Variants in PRR11 observed in about 807,000 individuals in gnomAD.
PRR11 encodes the protein proline rich 11.
Under a neutral mutation model 45.6 loss-of-function variants are expected in PRR11, and 30 were observed. That is an observed-to-expected ratio of 0.66 (90% CI 0.49 to 0.89). The LOEUF (loss-of-function observed/expected upper bound fraction) is 0.89, where lower values mean the gene tolerates loss of function less well. Among genes scored for constraint, PRR11 ranks in the 40% least tolerant of loss-of-function variants. The pLI is 0.00. For synonymous variants in PRR11, 128 were observed against 153.5 expected (o/e 0.83, Z 1.23); for missense variants, 373 against 424.8 (o/e 0.88, Z 1.07).
At chr17:59,169,554 T>A (rs1032690968) in intron 1 of PRR11, among the ~76,000 whole-genome samples, 194 bp from the exon 2 acceptor site, 1 of 152,136 alleles carries the variant, frequency 6.6e-6, no homozygotes, top group Non-Finnish European at 1.5e-5. Context: ...CCAGAGATAG[T>A]TTAAATCTGT....
chr17:59,181,065 C>G lies in PRR11; in HGVS notation c.129-3989C>G, dbSNP rs1055405485. Among the ~76,000 whole-genome samples the G allele has an allele frequency of 1.1e-4, 17 of 151,476 alleles. 2 individuals carry two copies. The highest frequency in any genetic ancestry group is 4.2e-4 in the African/African-American group (17 of 40,942). On this transcript the variant is annotated intron_variant, in intron 2 of 9. Coordinates refer to ENST00000262293, the MANE Select transcript of PRR11 (RefSeq NM_018304.4). ...AGTGTAGTGGCGCGATCTCAGCTCACTGCAAGCAACACCTCCGGGGTTCAC... is the reference window on the plus strand; with the variant it reads ...AGTGTAGTGGCGCGATCTCAGCTCAGTGCAAGCAACACCTCCGGGGTTCAC...
At chr17:59,199,375 C>T (rs1425845475) in intron 9 of PRR11, among the ~76,000 whole-genome samples, 1 of 152,134 alleles carries the variant, frequency 6.6e-6, no homozygotes, top group Admixed American at 6.6e-5. Context: ...GGCTGTAACA[C>T]AGAGAGGGAG....
intron 2 of PRR11, among the ~76,000 whole-genome samples, chr17:59,172,601 G>A (rs1349781270): frequency 5.3e-5 from 8 of 152,338 alleles, no homozygotes; most frequent in East Asian, 3.9e-4. Flanking sequence ...GTGGTTTGGC[G>A]GCCCCCACAC....
chr17:59,199,253 C>T (rs1599709391), intron 9 of PRR11, among the ~76,000 whole-genome samples: 1 of 152,092 alleles, frequency 6.6e-6, no homozygotes, highest in East Asian at 1.9e-4. Flanking sequence ...TGGGGTGGGT[C>T]CACCATGAGT....
intron 7 of PRR11, among the ~76,000 whole-genome samples, chr17:59,197,313 G>A (rs1337150730): frequency 1.3e-5 from 2 of 149,220 alleles, no homozygotes; most frequent in Non-Finnish European, 3.0e-5. Context: ...GTGCAGTGGT[G>A]CAATCTTTGC....
intron 1 of PRR11, among the ~76,000 whole-genome samples, chr17:59,162,359 T>G (rs975946364): frequency 6.6e-6 from 1 of 151,980 alleles, no homozygotes; most frequent in Non-Finnish European, 1.5e-5. Context: ...ACTCTAGAAA[T>G]TTGTATGCAT....
intron 4 of PRR11, among the ~76,000 whole-genome samples, chr17:59,192,083 A>G (rs1219994923): frequency 6.6e-6 from 1 of 152,174 alleles, no homozygotes; most frequent in Non-Finnish European, 1.5e-5. Context: ...AAGGATTTTG[A>G]GATGAGGAGA....
intron 2 of PRR11, chr17:59,181,408 C>G (rs1341732022): frequency 3.5e-6 from 3 of 851,134 alleles, no homozygotes; most frequent in Middle Eastern, 4.1e-4. Flanking sequence ...GAGAGCTCAC[C>G]CACTGGGGGC....
intron 1 of PRR11, among the ~76,000 whole-genome samples, chr17:59,160,094 G>T (rs767581382): frequency 1.3e-5 from 2 of 151,392 alleles, no homozygotes; most frequent in Non-Finnish European, 2.9e-5. Context: ...AAAAAAAAAA[G>T]AATCAAAGAA....
At chr17:59,177,841 CTG>C (rs1490121891) in intron 2 of PRR11, among the ~76,000 whole-genome samples, 2 of 152,170 alleles carry the variant, frequency 1.3e-5, no homozygotes, top group East Asian at 3.8e-4. Flanking sequence ...CATAGCAAGA[CTG>C]TTTGTATAAA....
At chr17:59,162,213 GACACACACACACACAC>G (rs58983044) in intron 1 of PRR11, among the ~76,000 whole-genome samples, 4 of 139,482 alleles carry the variant, frequency 2.9e-5, no homozygotes, top group Non-Finnish European at 4.7e-5. Context: ...ACCCAAGTCA[GACACACACACACACAC>G]ACACACACAC....
intron 1 of PRR11, among the ~76,000 whole-genome samples, chr17:59,166,223 A>G (rs181168243): frequency 6.6e-6 from 1 of 152,346 alleles, no homozygotes; most frequent in East Asian, 1.9e-4. Context: ...AGTGAACAAA[A>G]GTGGAATGAA....
intron 2 of PRR11, among the ~76,000 whole-genome samples, chr17:59,182,633 T>C (rs528374289): frequency 4.0e-5 from 6 of 151,648 alleles, no homozygotes; most frequent in Non-Finnish European, 8.8e-5. Flanking sequence ...CCTCAGGTGA[T>C]CCATCCGCCT....
At chr17:59,186,250 C>T (rs1279938722) in intron 4 of PRR11, among the ~76,000 whole-genome samples, 2 of 151,832 alleles carry the variant, frequency 1.3e-5, no homozygotes, top group East Asian at 1.9e-4. Context: ...CAGGCTTGCA[C>T]TATTGCACCC....
Position 59,196,033 on chromosome 17 carries a change from A to G in PRR11, c.857+590A>G, listed in dbSNP as rs552256737. The stretch of plus-strand genomic sequence containing the variant: ...AGCCCAGGAGATCAAGGCTGCAGTA[A>G]GAAGTGATTGTGCCACTGTACTCCA... On this transcript the variant is annotated intron_variant, in intron 7 of 9. Transcript: ENST00000262293. 1.3e-4 allele frequency among the ~76,000 whole-genome samples: 20 copies of G among 151,344 alleles called. No individual in the cohort carries two copies. In the South Asian group the frequency reaches 1.7e-3, roughly 13 times the overall value.
rs919996269 is a variant in PRR11 at position 59,202,105 on chromosome 17, A to T, written c.*474A>T. The T allele has an allele frequency of 1.3e-5, 2 of 153,768 alleles. No homozygotes were observed. The highest frequency in any genetic ancestry group is 2.9e-5 in the Non-Finnish European group (2 of 68,952). The allele number at this position is 153,768 out of a possible 1,614,324, so 9.5% of individuals were successfully genotyped here. Reference sequence around the variant, plus strand: ...ACACATACTGTGATATAAAGTGTATATACAGATATTTGGATATTTTCTAGT... The same window carrying T: ...ACACATACTGTGATATAAAGTGTATTTACAGATATTTGGATATTTTCTAGT... On this transcript the variant is annotated 3_prime_UTR_variant, in exon 10 of 10. Transcript: ENST00000262293.
chr17:59,176,072 G>A (rs973551016), intron 2 of PRR11, among the ~76,000 whole-genome samples: 11 of 152,206 alleles, frequency 7.2e-5, no homozygotes, highest in Non-Finnish European at 2.9e-5. Flanking sequence ...GTTGCAAGAT[G>A]AGGGAAGGCA....
rs1161691707 is a variant in PRR11 at position 59,203,718 on chromosome 17, T to TGTGGC, written c.*2091_*2092insCGTGG. The stretch of plus-strand genomic sequence containing the variant: ...TACTAAAAATACAAAATTAGCCAGG[T>TGTGGC]GTGGTGTCACGCACCTGTAGTCCCA... On this transcript the variant is annotated 3_prime_UTR_variant, in exon 10 of 10. Coordinates refer to ENST00000262293, the MANE Select transcript of PRR11 (RefSeq NM_018304.4). 1 of 151,104 alleles carries TGTGGC rather than the reference T, an allele frequency of 6.6e-6. No individual in the cohort carries two copies. 9.4% of individuals were successfully genotyped at this position (151,104 alleles called of 1,614,324 possible).
chr17:59,159,459 C>G (rs1266364495), intron 1 of PRR11, among the ~76,000 whole-genome samples: 1 of 152,178 alleles, frequency 6.6e-6, no homozygotes, highest in Non-Finnish European at 1.5e-5. Flanking sequence ...ATAATCAGGT[C>G]CTCATCCCCT....
Sources: gnomAD v4.1 joint callset for allele counts (sites outside exome capture counted in the v4.1 genomes callset) on GRCh38, gnomAD v4.1.1 for gene constraint, MANE v1.5 for transcripts, NCBI Gene and HGNC (gene_info 2026-07-23, HGNC 2026-07-21) for gene names.